The following MDGA2 variants were observed in gnomAD, a reference collection of about 807,000 sequenced individuals.
The protein encoded by MDGA2 is MAM domain containing glycosylphosphatidylinositol anchor 2.
A neutral mutation model predicts 117.8 loss-of-function variants in MDGA2; 40 were observed. That is an observed-to-expected ratio of 0.34 (90% CI 0.26 to 0.44). MDGA2 has a LOEUF of 0.44. MDGA2 is among the 20% of genes least tolerant of loss of function. The pLI is 1.00. For synonymous variants in MDGA2, 452 were observed against 439.0 expected (o/e 1.03, Z -0.37); for missense variants, 1,123 against 1,250.6 (o/e 0.90, Z 1.54).
rs72237346 is a variant in MDGA2, at chr14:47,675,310, A to AGAGGAGGAAGAGGAG, written c.-529_-515dup. ...TACAGACTCGCATCGCCGAACGGGG[A>AGAGGAGGAAGAGGAG]GAGGAGGAAGAGGAGGAGGAGGAAG... is the stretch of plus-strand genomic sequence containing the variant. On this transcript the variant is annotated 5_prime_UTR_variant, in exon 1 of 17. Coordinates refer to ENST00000399232, the MANE Select transcript of MDGA2 (RefSeq NM_001113498.3). 7.6e-6 allele frequency among the ~76,000 whole-genome samples: 1 copy of AGAGGAGGAAGAGGAG among 131,252 alleles called. No homozygotes were observed. Among genetic ancestry groups the AGAGGAGGAAGAGGAG allele is most frequent in the African/African-American group, 3.0e-5 (1 of 33,896 alleles). The allele number at this position is 131,252 out of a possible 152,430, so 86.1% of individuals were successfully genotyped here. A position where few individuals can be genotyped will look rare whatever the true frequency, so the allele number is the denominator to read the frequency against.
intron 9 of MDGA2, among the ~76,000 whole-genome samples, chr14:46,942,765 T>C (rs1281819726): frequency 6.6e-6 from 1 of 152,154 alleles, no homozygotes; most frequent in East Asian, 1.9e-4. Flanking sequence ...TAAAATTCCA[T>C]TTCGTGAATA....
Position 47,531,658 on chromosome 14 carries a change from C to G in MDGA2, c.280+142859G>C, listed in dbSNP as rs147849283. On this transcript the variant is annotated intron_variant, in intron 1 of 16. Coordinates refer to ENST00000399232, the MANE Select transcript of MDGA2 (RefSeq NM_001113498.3). ...TGTCATTCTATAGCACTAAACTAAG[C>G]AGTATTCTTTCATCTTAGTCGGGGA... Among the ~76,000 whole-genome samples the G allele has an allele frequency of 8.4e-3, 1,273 of 152,268 alleles. 17 individuals carry two copies. The highest frequency in any genetic ancestry group is 0.029 in the African/African-American group (1,186 of 41,552).
chr14:47,446,860 T>A (rs1206670549), intron 1 of MDGA2, among the ~76,000 whole-genome samples: 4 of 152,174 alleles, frequency 2.6e-5, no homozygotes, highest in Admixed American at 2.6e-4. Flanking sequence ...GATATTAATA[T>A]CCATGATATT....
In MDGA2 at chr14:47,218,148, G is replaced by A; in HGVS notation, c.468C>T (p.Asp156=). ...TCAAAGTCTCATTGAAGACACTTGA[G>A]TCTTGGAATCTGTCAGAGGCACTTC... ...TAGSASDRFQ[D]SSVFNETLRI... Residue 156 remains aspartate (D), a synonymous_variant, in exon 3 of 17, where the codon GAC becomes GAT. Transcript: ENST00000399232. 6.4e-7 allele frequency: 1 copy of A among 1,550,990 alleles called. No homozygotes were observed. Among genetic ancestry groups the A allele is most frequent in the Non-Finnish European group, 8.7e-7 (1 of 1,146,554 alleles).
chr14:47,483,084 T>A (rs183798769), intron 1 of MDGA2, among the ~76,000 whole-genome samples: 93 of 152,188 alleles, frequency 6.1e-4, no homozygotes, highest in Non-Finnish European at 6.9e-4. Flanking sequence ...ATAAGTAATC[T>A]TTTTTAAAAA....
chr14:46,873,548 G>A lies in MDGA2; in HGVS notation c.2637C>T (p.Gly879=), dbSNP rs749059593. The A allele has an allele frequency of 9.9e-6, 16 of 1,612,238 alleles. No homozygotes were observed. Among genetic ancestry groups the A allele is most frequent in the East Asian group, 4.5e-5 (2 of 44,814 alleles). ...YIETSRPRLE[G]EKARLLSPVF... The stretch of plus-strand genomic sequence containing the variant: ...CAGGGCTGAGAAGTCGAGCCTTTTC[G>A]CCTTCCAATCTGGGTCGTGATGTCT... Residue 879 remains glycine, a synonymous_variant, in exon 14 of 17, where the codon GGC becomes GGT. Coordinates refer to ENST00000399232, the MANE Select transcript of MDGA2 (RefSeq NM_001113498.3).
chr14:47,173,525 C>T (rs1884282057), intron 3 of MDGA2, among the ~76,000 whole-genome samples: 1 of 152,102 alleles, frequency 6.6e-6, no homozygotes, highest in African/African-American at 2.4e-5. Context: ...ATTTTCAACC[C>T]AGAATTTCAT....
chr14:47,163,279 T>C (rs1883717434), intron 3 of MDGA2, among the ~76,000 whole-genome samples: 1 of 152,150 alleles, frequency 6.6e-6, no homozygotes, highest in Non-Finnish European at 1.5e-5. Flanking sequence ...GAGAACACTT[T>C]CCCAACCTAC....
chr14:47,316,628 A>G (rs1281397580), intron 1 of MDGA2, among the ~76,000 whole-genome samples: 1 of 152,114 alleles, frequency 6.6e-6, no homozygotes, highest in Non-Finnish European at 1.5e-5. Flanking sequence ...TTATCAAGAG[A>G]GAAGCAATTC....
rs568458062 is a variant in MDGA2, at chr14:47,128,367, A to G, written c.925+3347T>C. Among the ~76,000 whole-genome samples the G allele has an allele frequency of 1.6e-4, 25 of 152,250 alleles. No individual in the cohort carries two copies. The South Asian group carries it at 5.2e-3, about 32-fold the overall frequency. ...GCAAAGTGGTAACTTAATTAATAATATATACTAGTGTTTTTTTCTTCCTCA... is the reference window on the plus strand; with the variant it reads ...GCAAAGTGGTAACTTAATTAATAATGTATACTAGTGTTTTTTTCTTCCTCA... On this transcript the variant is annotated intron_variant, in intron 5 of 16. Coordinates refer to ENST00000399232, the MANE Select transcript of MDGA2 (RefSeq NM_001113498.3).
At chr14:46,951,559 T>C (rs1286246863) in intron 9 of MDGA2, among the ~76,000 whole-genome samples, 1 of 152,006 alleles carries the variant, frequency 6.6e-6, no homozygotes, top group Non-Finnish European at 1.5e-5. Context: ...GAGAAGCCCA[T>C]GGGACAAACT....
chr14:47,160,088 T>A (rs1417578618), intron 3 of MDGA2, among the ~76,000 whole-genome samples: 2 of 152,186 alleles, frequency 1.3e-5, no homozygotes, highest in African/African-American at 4.8e-5. Context: ...GATGGAGATA[T>A]AGTAGCCACA....
At chr14:47,072,940 CG>C (rs1890347949) in intron 6 of MDGA2, among the ~76,000 whole-genome samples, 1 of 152,124 alleles carries the variant, frequency 6.6e-6, no homozygotes, top group Non-Finnish European at 1.5e-5. Context: ...GTTATTTAAA[CG>C]TAACTCCCAT....
intron 1 of MDGA2, among the ~76,000 whole-genome samples, chr14:47,508,170 A>C (rs1044283304): frequency 6.6e-6 from 1 of 152,230 alleles, no homozygotes; most frequent in Admixed American, 6.5e-5. Context: ...GAAGAAAGTT[A>C]TCTCTCCTAT....
At chr14:47,404,708 G>A (rs1892226010) in intron 1 of MDGA2, among the ~76,000 whole-genome samples, 1 of 151,816 alleles carries the variant, frequency 6.6e-6, no homozygotes, top group African/African-American at 2.4e-5. Flanking sequence ...TGCTCAGGTT[G>A]GTCTCAAACT....
At chr14:46,927,805 G>T (rs1030666203) in intron 9 of MDGA2, among the ~76,000 whole-genome samples, 8 of 152,044 alleles carry the variant, frequency 5.3e-5, no homozygotes, top group African/African-American at 1.7e-4. Flanking sequence ...AATATAGCTG[G>T]TGTATTCATC....
intron 2 of MDGA2, among the ~76,000 whole-genome samples, chr14:47,242,526 C>G (rs1446795195): frequency 1.3e-5 from 2 of 151,822 alleles, no homozygotes; most frequent in Admixed American, 1.3e-4. Flanking sequence ...TTGGTGGGCC[C>G]CGCACTTGGA....
At chr14:47,137,407 G>C (rs1351606254) in intron 4 of MDGA2, among the ~76,000 whole-genome samples, 1 of 152,118 alleles carries the variant, frequency 6.6e-6, no homozygotes, top group Non-Finnish European at 1.5e-5. Flanking sequence ...CATGCGGGCA[G>C]ACCCCTCATG....
intron 14 of MDGA2, among the ~76,000 whole-genome samples, chr14:46,861,330 T>C (rs1244188912): frequency 6.6e-6 from 1 of 151,886 alleles, no homozygotes; most frequent in Non-Finnish European, 1.5e-5. Context: ...TCAGTAATTA[T>C]AGGGTATCGT....
Sources: gnomAD v4.1 joint callset for allele counts (sites outside exome capture counted in the v4.1 genomes callset) on GRCh38, gnomAD v4.1.1 for gene constraint, MANE v1.5 for transcripts, NCBI Gene and HGNC (gene_info 2026-07-23, HGNC 2026-07-21) for gene names.